The following KLF12 variants were observed in gnomAD, a reference collection of about 807,000 sequenced individuals.
The protein encoded by KLF12 is KLF transcription factor 12, also known as Krueppel-like factor 12.
A neutral mutation model predicts 37.8 loss-of-function variants in KLF12; 9 were observed. That is an observed-to-expected ratio of 0.24 (90% CI 0.14 to 0.42). KLF12 has a LOEUF of 0.42. Ranked by LOEUF, KLF12 falls within the 10% of genes least tolerant of loss-of-function variation. The pLI, the probability that KLF12 is intolerant of heterozygous loss-of-function variation, is 1.00. For synonymous variants in KLF12, 208 were observed against 202.1 expected, an observed-to-expected ratio of 1.03 and a Z score of -0.25; for missense variants, 411 against 516.0, an observed-to-expected ratio of 0.80 and a Z score of 1.97.
At chr13:73,992,759 T>C (rs1351478327) in intron 2 of KLF12, among the ~76,000 whole-genome samples, 1 of 152,206 alleles carries the variant, frequency 6.6e-6, no homozygotes, top group East Asian at 1.9e-4. Context: ...ATTGACTTTG[T>C]CAATGTATTT....
the KLF12 span, among the ~76,000 whole-genome samples, chr13:74,240,060 A>C: frequency 1.3e-5 from 2 of 151,822 alleles, no homozygotes; most frequent in Non-Finnish European, 2.9e-5. Context: ...ACATTTTGGC[A>C]CGATTTTGCA....
At chr13:74,243,307 G>A in the KLF12 span, among the ~76,000 whole-genome samples, 3 of 152,084 alleles carry the variant, frequency 2.0e-5, no homozygotes, top group Non-Finnish European at 4.4e-5. Flanking sequence ...TGGCTGCATA[G>A]TATTCCATGG....
intron 5 of KLF12, among the ~76,000 whole-genome samples, chr13:73,774,764 A>G (rs1880495892): frequency 6.6e-6 from 1 of 152,182 alleles, no homozygotes; most frequent in Admixed American, 6.5e-5. Flanking sequence ...TAAGCAATAC[A>G]GATCTATTAG....
chr13:73,936,812 C>A (rs546394316), intron 3 of KLF12, among the ~76,000 whole-genome samples: 1 of 152,160 alleles, frequency 6.6e-6, no homozygotes, highest in Non-Finnish European at 1.5e-5. Flanking sequence ...CTTATTTCAT[C>A]TGAGTTTCTA....
chr13:74,288,158 A>T, the KLF12 span, among the ~76,000 whole-genome samples: 1 of 152,334 alleles, frequency 6.6e-6, no homozygotes, highest in East Asian at 1.9e-4. Flanking sequence ...GTGGGCACTG[A>T]CTAAAATAAC....
chr13:74,173,652 C>T, the KLF12 span, among the ~76,000 whole-genome samples: 216 of 152,328 alleles, frequency 1.4e-3, 6 homozygotes, highest in East Asian at 0.036. Flanking sequence ...GCACCACCCA[C>T]CTTTTCACTT....
chr13:74,016,157 A>C (rs1322235960), intron 1 of KLF12, among the ~76,000 whole-genome samples: 2 of 152,186 alleles, frequency 1.3e-5, no homozygotes, highest in African/African-American at 4.8e-5. Flanking sequence ...AGAAAAATGG[A>C]CCAAAAACAA....
intron 4 of KLF12, among the ~76,000 whole-genome samples, chr13:73,826,723 G>A (rs1226463347): frequency 6.6e-6 from 1 of 151,424 alleles, no homozygotes; most frequent in East Asian, 1.9e-4. Context: ...AATACCTACA[G>A]TTTTGCTCTT....
the KLF12 span, among the ~76,000 whole-genome samples, chr13:74,281,591 C>G: frequency 2.0e-5 from 3 of 152,130 alleles, no homozygotes; most frequent in Admixed American, 2.0e-4. Flanking sequence ...CAGTTAGAAT[C>G]TAAGTTTAGA....
chr13:74,024,565 A>G (rs1892924974), intron 1 of KLF12, among the ~76,000 whole-genome samples: 1 of 152,222 alleles, frequency 6.6e-6, no homozygotes, highest in Non-Finnish European at 1.5e-5. Context: ...TGGAGTGAAA[A>G]TATTTTTCAC....
intron 1 of KLF12, among the ~76,000 whole-genome samples, chr13:74,113,130 A>G (rs1014712429): frequency 6.6e-6 from 1 of 152,218 alleles, no homozygotes; most frequent in African/African-American, 2.4e-5. Flanking sequence ...TGGAAGCCGG[A>G]AGAGTTTGGT....
upstream of KLF12, among the ~76,000 whole-genome samples, chr13:74,137,821 C>T (rs1236835700): frequency 1.3e-5 from 2 of 152,114 alleles, no homozygotes; most frequent in Non-Finnish European, 2.9e-5. Flanking sequence ...AGTGCAACGG[C>T]GCGATTTCGG....
chr13:74,083,490 GGAGACACAC>G (rs1435700021), intron 1 of KLF12, among the ~76,000 whole-genome samples: 2 of 124,050 alleles, frequency 1.6e-5, no homozygotes, highest in African/African-American at 7.0e-5. Flanking sequence ...CTGGGCGATA[GGAGACACAC>G]ACACACACAC....
the KLF12 span, among the ~76,000 whole-genome samples, chr13:74,210,742 AC>A: frequency 0.13 from 19,347 of 152,144 alleles, 1,680 homozygotes; most frequent in Non-Finnish European, 0.19. Context: ...CAGACATGGT[AC>A]CTGGTGAGCC....
chr13:73,882,281 A>G (rs536984503), intron 3 of KLF12, among the ~76,000 whole-genome samples: 12 of 152,288 alleles, frequency 7.9e-5, no homozygotes, highest in African/African-American at 2.9e-4. Flanking sequence ...TCTTTTTGGA[A>G]TTTTCAGAAC....
At chr13:74,163,137 T>C in the KLF12 span, among the ~76,000 whole-genome samples, 4 of 152,172 alleles carry the variant, frequency 2.6e-5, no homozygotes, top group East Asian at 5.8e-4. Context: ...TTGGTGGGAA[T>C]GCAAATTAGT....
chr13:74,110,462 T>TAGGA (rs1876909356), intron 1 of KLF12, among the ~76,000 whole-genome samples: 1 of 152,154 alleles, frequency 6.6e-6, no homozygotes, highest in South Asian at 2.1e-4. Context: ...GAATTGAGAG[T>TAGGA]AGGAACAGTG....
At chr13:74,096,928 G>C (rs1480270576) in intron 1 of KLF12, among the ~76,000 whole-genome samples, 3 of 152,078 alleles carry the variant, frequency 2.0e-5, no homozygotes. Context: ...TTGAAACAAA[G>C]GAGTTAAAAG....
intron 3 of KLF12, among the ~76,000 whole-genome samples, chr13:73,884,446 T>C (rs1451130936): frequency 2.0e-5 from 3 of 152,218 alleles, no homozygotes; most frequent in Non-Finnish European, 4.4e-5. Context: ...AAAAGACTTT[T>C]GATAATCATC....
Sources: gnomAD v4.1 joint callset for allele counts (sites outside exome capture counted in the v4.1 genomes callset) on GRCh38, gnomAD v4.1.1 for gene constraint, MANE v1.5 for transcripts, NCBI Gene and HGNC (gene_info 2026-07-23, HGNC 2026-07-21) for gene names.